Variants in ULK4 observed in about 807,000 individuals in gnomAD.
The protein encoded by ULK4 is inactive serine/threonine-protein kinase ULK4.
Under a neutral mutation model 160.6 loss-of-function variants are expected in ULK4, and 133 were observed. The ratio of observed to expected loss-of-function variants is 0.83; its 90% CI spans 0.72 to 0.96. The LOEUF (loss-of-function observed/expected upper bound fraction) is 0.96, where lower values mean the gene tolerates loss of function less well. ULK4 is among the 40% of genes least tolerant of loss of function. The pLI is 0.00. For synonymous variants in ULK4, 534 were observed against 539.8 expected (o/e 0.99, Z 0.15); for missense variants, 1,580 against 1,499.5 (o/e 1.05, Z -0.89).
rs6780396 is a variant in ULK4 at position 41,415,819 on chromosome 3, G to A, written c.3493-17555C>T. On this transcript the variant is annotated intron_variant, in intron 34 of 36. Transcript: ENST00000301831. ...CTCAGCCCATGGAAGCCGACTCTCC[G>A]CCTGTCTTATGTACCTGGTAGACAG... is the stretch of plus-strand genomic sequence containing the variant. Among the ~76,000 whole-genome samples the A allele has an allele frequency of 5.3e-3, 803 of 152,170 alleles. 3 individuals carry two copies. The highest frequency in any genetic ancestry group is 0.015 in the African/African-American group (625 of 41,504).
At chr3:41,499,945 T>TGAC (rs2085134390) in intron 32 of ULK4, among the ~76,000 whole-genome samples, 1 of 152,206 alleles carries the variant, frequency 6.6e-6, no homozygotes. Context: ...TTTATTTTTC[T>TGAC]ATGTTTTCAA....
intron 25 of ULK4, among the ~76,000 whole-genome samples, chr3:41,712,817 G>A (rs538272897): frequency 8.5e-5 from 13 of 152,244 alleles, no homozygotes; most frequent in African/African-American, 2.9e-4. Context: ...GCTTGCGCCT[G>A]GGAGGCGGAG....
At chr3:41,833,694 T>C (rs1427290047) in intron 18 of ULK4, among the ~76,000 whole-genome samples, 1 of 152,168 alleles carries the variant, frequency 6.6e-6, no homozygotes, top group Admixed American at 6.6e-5. Flanking sequence ...CTTGTGATTT[T>C]TGCACACTGA....
chr3:41,324,250 T>C (rs1238668192), intron 35 of ULK4, among the ~76,000 whole-genome samples: 1 of 152,218 alleles, frequency 6.6e-6, no homozygotes, highest in African/African-American at 2.4e-5. Flanking sequence ...GTTGTGTCAC[T>C]ATACACCTAC....
At chr3:41,792,682 C>T (rs2040185811) in intron 20 of ULK4, among the ~76,000 whole-genome samples, 1 of 152,232 alleles carries the variant, frequency 6.6e-6, no homozygotes, top group Non-Finnish European at 1.5e-5. Context: ...GCCTAACAGA[C>T]TTTCCATTTT....
chr3:41,672,052 TA>T (rs2035558956), intron 29 of ULK4, among the ~76,000 whole-genome samples: 1 of 152,030 alleles, frequency 6.6e-6, no homozygotes, highest in East Asian at 1.9e-4. Flanking sequence ...AAATGGCTAT[TA>T]TGAAAAAGAT....
intron 25 of ULK4, among the ~76,000 whole-genome samples, chr3:41,706,386 T>TTA (rs1323756056): frequency 1.4e-4 from 21 of 145,610 alleles, no homozygotes; most frequent in Admixed American, 4.2e-4. Flanking sequence ...ATATATATAT[T>TTA]TATATATATT....
chr3:41,331,859 G>A (rs2080449104), intron 35 of ULK4, among the ~76,000 whole-genome samples: 1 of 152,054 alleles, frequency 6.6e-6, no homozygotes, highest in African/African-American at 2.4e-5. Context: ...ATAAACAGCA[G>A]GTGATCAATG....
intron 25 of ULK4, among the ~76,000 whole-genome samples, chr3:41,710,711 T>C (rs1184494294): frequency 6.7e-6 from 1 of 150,280 alleles, no homozygotes; most frequent in Non-Finnish European, 1.5e-5. Flanking sequence ...TGAGAATTGC[T>C]GGAACCCACG....
chr3:41,311,877 C>CATATATATATATATATAT lies in ULK4; in HGVS notation c.3679-62321_3679-62304dup, dbSNP rs143621818. Among the ~76,000 whole-genome samples, 38 of 146,628 alleles carry CATATATATATATATATAT rather than the reference C, an allele frequency of 2.6e-4. 1 individual carries two copies. Among genetic ancestry groups the CATATATATATATATATAT allele is most frequent in the Admixed American group, 1.4e-3 (21 of 14,936 alleles). ...CCACTGCACCCGGCCAAACTCTCCT[C>CATATATATATATATATAT]ATATATATATATATATATCCTATTA... is the stretch of plus-strand genomic sequence containing the variant. On this transcript the variant is annotated intron_variant, in intron 35 of 36. Transcript: ENST00000301831.
intron 31 of ULK4, among the ~76,000 whole-genome samples, chr3:41,567,732 G>C (rs780324040): frequency 6.6e-6 from 1 of 151,968 alleles, no homozygotes; most frequent in Non-Finnish European, 1.5e-5. Flanking sequence ...CAAAGTGCTG[G>C]GATTACAGGC....
At chr3:41,348,249 G>C (rs1198930427) in intron 35 of ULK4, among the ~76,000 whole-genome samples, 1 of 148,420 alleles carries the variant, frequency 6.7e-6, no homozygotes, top group African/African-American at 2.5e-5. Flanking sequence ...GGACCAAGAG[G>C]TGGCAAAAAG....
chr3:41,873,224 CTT>C (rs1173793427), intron 17 of ULK4, among the ~76,000 whole-genome samples: 62 of 106,294 alleles, frequency 5.8e-4, no homozygotes, highest in African/African-American at 2.3e-3. Flanking sequence ...AGTTGCCTTT[CTT>C]TTTTTTTTTT....
intron 27 of ULK4, 91 bp from the exon 28 acceptor site, chr3:41,681,895 T>C: frequency 6.3e-6 from 9 of 1,423,002 alleles, no homozygotes; most frequent in Non-Finnish European, 8.8e-6. Context: ...ACAGAATCCC[T>C]AATCAAAGGA....
At chr3:41,665,521 G>A (rs112129308) in intron 29 of ULK4, among the ~76,000 whole-genome samples, 1,869 of 152,262 alleles carry the variant, frequency 0.012, 35 homozygotes, top group African/African-American at 0.043. Context: ...TTCCGTTTAA[G>A]AAGTCAGCAA....
chr3:41,825,810 G>A (rs542551604), intron 18 of ULK4, among the ~76,000 whole-genome samples: 4 of 152,134 alleles, frequency 2.6e-5, no homozygotes, highest in East Asian at 1.9e-4. Context: ...TACAGAGAAC[G>A]CCACAAAAAT....
chr3:41,635,825 T>C (rs1406663650), intron 30 of ULK4, among the ~76,000 whole-genome samples: 1 of 152,192 alleles, frequency 6.6e-6, no homozygotes, highest in African/African-American at 2.4e-5. Flanking sequence ...AGATATATTA[T>C]ATCAGGATAG....
chr3:41,797,943 AAAAG>A (rs907121172), intron 20 of ULK4, among the ~76,000 whole-genome samples: 16 of 152,020 alleles, frequency 1.1e-4, no homozygotes, highest in Non-Finnish European at 2.4e-4. Flanking sequence ...AAGAAAAGAA[AAAAG>A]AAAGAAAGAG....
intron 35 of ULK4, among the ~76,000 whole-genome samples, chr3:41,378,090 T>C (rs2081550612): frequency 6.6e-6 from 1 of 151,060 alleles, no homozygotes; most frequent in African/African-American, 2.4e-5. Context: ...TGGATGAAAT[T>C]GGAAATCATC....
Sources: gnomAD v4.1 joint callset for allele counts (sites outside exome capture counted in the v4.1 genomes callset) on GRCh38, gnomAD v4.1.1 for gene constraint, MANE v1.5 for transcripts, NCBI Gene and HGNC (gene_info 2026-07-23, HGNC 2026-07-21) for gene names.